The following PCDH15 variants were observed in gnomAD, a reference collection of about 807,000 sequenced individuals.
PCDH15 encodes the protein protocadherin-15.
Under a neutral mutation model 178.5 loss-of-function variants are expected in PCDH15, and 129 were observed. The ratio of observed to expected loss-of-function variants is 0.72; its 90% CI spans 0.63 to 0.84. The LOEUF (loss-of-function observed/expected upper bound fraction) is 0.84, where lower values mean the gene tolerates loss of function less well. PCDH15 is among the 40% of genes least tolerant of loss of function. The pLI, the probability that PCDH15 is intolerant of heterozygous loss-of-function variation, is 0.00. For synonymous variants in PCDH15, 800 were observed against 732.0 expected (o/e 1.09, Z -1.50); for missense variants, 2,230 against 2,099.9 (o/e 1.06, Z -1.21).
intron 2 of PCDH15, among the ~76,000 whole-genome samples, chr10:55,622,940 G>T (rs1332094447): frequency 6.6e-6 from 1 of 152,078 alleles, no homozygotes; most frequent in Non-Finnish European, 1.5e-5. Flanking sequence ...TGAGCAAATG[G>T]CATACCAAGA....
At chr10:54,287,295 G>C (rs950764166) in intron 8 of PCDH15, among the ~76,000 whole-genome samples, 1 of 152,166 alleles carries the variant, frequency 6.6e-6, no homozygotes, top group Non-Finnish European at 1.5e-5. Context: ...GCTTCTCTCT[G>C]ACCATTAATC....
At chr10:54,167,151 G>A (rs2046318897) in intron 13 of PCDH15, among the ~76,000 whole-genome samples, 1 of 152,128 alleles carries the variant, frequency 6.6e-6, no homozygotes, top group Non-Finnish European at 1.5e-5. Flanking sequence ...ACTCGGATCG[G>A]GGGACCTCCC....
chr10:53,854,614 C>T (rs1278282692), intron 28 of PCDH15, among the ~76,000 whole-genome samples: 1 of 151,884 alleles, frequency 6.6e-6, no homozygotes, highest in Non-Finnish European at 1.5e-5. Flanking sequence ...TGTCTGAAAC[C>T]ATAATCTGCA....
intron 3 of PCDH15, among the ~76,000 whole-genome samples, chr10:54,458,287 G>T (rs867279885): frequency 4.7e-5 from 7 of 149,046 alleles, no homozygotes; most frequent in Non-Finnish European, 8.8e-5. Flanking sequence ...ACTACCGTAA[G>T]AATTAGTATC....
chr10:54,412,712 T>C (rs1953726266), intron 3 of PCDH15, among the ~76,000 whole-genome samples: 1 of 152,126 alleles, frequency 6.6e-6, no homozygotes, highest in Non-Finnish European at 1.5e-5. Flanking sequence ...CCTTGTTGCA[T>C]TGTTTTTGTT....
At chr10:55,223,825 C>G (rs956426583) in intron 1 of PCDH15, among the ~76,000 whole-genome samples, 1 of 152,126 alleles carries the variant, frequency 6.6e-6, no homozygotes, top group Non-Finnish European at 1.5e-5. Flanking sequence ...GGGCTGATTT[C>G]TAACAATTGT....
In PCDH15 at chr10:54,634,536, T is replaced by C. The variant is rs563634770; in HGVS notation, c.91+29636A>G. On this transcript the variant is annotated intron_variant, in intron 2 of 37. Coordinates refer to ENST00000644397, the MANE Select transcript of PCDH15 (RefSeq NM_001384140.1). ...TTGGAAATGGAGAATTATTTCTTTA[T>C]TAATCTAAGCATGTCTATGCTTTTA... Among the ~76,000 whole-genome samples the C allele has an allele frequency of 9.9e-5, 15 of 152,140 alleles. No homozygotes were observed. In the South Asian group the frequency reaches 3.1e-3, roughly 32 times the overall value.
In PCDH15 at chr10:53,803,741, C is replaced by T. The variant is rs1841001467; in HGVS notation, c.*2838G>A. On this transcript the variant is annotated 3_prime_UTR_variant, in exon 38 of 38. Transcript: ENST00000644397. ...ATTTTCTCATTCTTCCTCTGCTTTC[C>T]CTTAATGCCCACAAGACCTTCTAAA... The T allele has an allele frequency of 1.3e-5, 2 of 151,848 alleles. No homozygotes were observed. The highest frequency in any genetic ancestry group is 6.6e-5 in the Admixed American group (1 of 15,212). 9.4% of individuals were successfully genotyped at this position (151,848 alleles called of 1,614,324 possible).
chr10:54,342,884 G>T (rs1298064915), intron 6 of PCDH15, among the ~76,000 whole-genome samples: 2 of 152,164 alleles, frequency 1.3e-5, no homozygotes, highest in African/African-American at 4.8e-5. Context: ...CTTGCATGGG[G>T]CCTGTGGTGC....
chr10:53,808,332 A>G (rs960846861), intron 37 of PCDH15: 2 of 261,718 alleles, frequency 7.6e-6, no homozygotes, highest in Non-Finnish European at 5.6e-6. Flanking sequence ...GTGTGTGTGT[A>G]TATATATATA....
chr10:54,824,210 G>T (rs1206553093), intron 3 of PCDH15, among the ~76,000 whole-genome samples: 1 of 151,982 alleles, frequency 6.6e-6, no homozygotes, highest in Non-Finnish European at 1.5e-5. Context: ...CCAAAGTACT[G>T]CCTCAGGATT....
intron 2 of PCDH15, among the ~76,000 whole-genome samples, chr10:55,382,773 A>C (rs1172146200): frequency 3.9e-5 from 6 of 152,050 alleles, no homozygotes; most frequent in Non-Finnish European, 7.4e-5. Context: ...GAGTTCCTTG[A>C]CCCCTTCACG....
At chr10:54,031,364 C>T (rs2093289429) in intron 18 of PCDH15, among the ~76,000 whole-genome samples, 1 of 151,926 alleles carries the variant, frequency 6.6e-6, no homozygotes, top group Non-Finnish European at 1.5e-5. Flanking sequence ...TTGCACATAG[C>T]AAAACTCACT....
intron 2 of PCDH15, among the ~76,000 whole-genome samples, chr10:54,564,166 C>A (rs1247371595): frequency 6.6e-6 from 1 of 151,932 alleles, no homozygotes; most frequent in East Asian, 1.9e-4. Context: ...AAATTATCAT[C>A]AAAATTTTAA....
At chr10:55,500,642 AT>A (rs2132138806) in intron 2 of PCDH15, among the ~76,000 whole-genome samples, 1 of 151,934 alleles carries the variant, frequency 6.6e-6, no homozygotes, top group South Asian at 2.1e-4. Flanking sequence ...CTCACATAGA[AT>A]AGTGAGACCC....
intron 15 of PCDH15, among the ~76,000 whole-genome samples, chr10:54,125,818 A>G (rs371986653): frequency 2.5e-3 from 381 of 152,296 alleles, no homozygotes; most frequent in African/African-American, 8.4e-3. Context: ...TCTCTTAGCC[A>G]TCTATATCTT....
intron 1 of PCDH15, among the ~76,000 whole-genome samples, chr10:55,271,143 GGA>G (rs1330518397): frequency 3.9e-5 from 6 of 151,992 alleles, no homozygotes; most frequent in Non-Finnish European, 7.4e-5. Flanking sequence ...GAGAGGAAAG[GGA>G]GAGAGGTGGG....
intron 2 of PCDH15, among the ~76,000 whole-genome samples, chr10:54,918,161 A>C (rs1837391459): frequency 2.0e-5 from 3 of 152,278 alleles, no homozygotes; most frequent in Admixed American, 2.0e-4. Flanking sequence ...TTGAGAAATT[A>C]TGACCATACG....
At chr10:54,543,040 C>A (rs187391674) in intron 2 of PCDH15, among the ~76,000 whole-genome samples, 1 of 152,254 alleles carries the variant, frequency 6.6e-6, no homozygotes, top group Non-Finnish European at 1.5e-5. Flanking sequence ...CACTGGCACG[C>A]GTGCAGGCCA....
Sources: gnomAD v4.1 joint callset for allele counts (sites outside exome capture counted in the v4.1 genomes callset) on GRCh38, gnomAD v4.1.1 for gene constraint, MANE v1.5 for transcripts, NCBI Gene and HGNC (gene_info 2026-07-23, HGNC 2026-07-21) for gene names.